Variants in STPG4 observed in about 807,000 individuals in gnomAD.
STPG4 encodes protein STPG4.
STPG4 carries 41 observed loss-of-function variants against 31.5 expected under a neutral mutation model. That is an observed-to-expected ratio of 1.30 (90% CI 1.01 to 1.69). STPG4 has a LOEUF of 1.69. Ranked by LOEUF, STPG4 falls within the 40% of genes most tolerant of loss-of-function variation. The pLI is 0.00. For missense variants in STPG4, 375 were observed against 293.4 expected (o/e 1.28, Z -2.03); for synonymous variants, 141 against 103.0 (o/e 1.37, Z -2.24).
chr2:47,110,771 C>G (rs1236631712), intron 5 of STPG4, among the ~76,000 whole-genome samples: 5 of 152,086 alleles, frequency 3.3e-5, no homozygotes, highest in Admixed American at 6.5e-5. Flanking sequence ...CAATTTGATC[C>G]TGCATTTTTC....
intron 5 of STPG4, chr2:47,129,270 T>G (rs1284377972): frequency 1.3e-5 from 2 of 152,402 alleles, no homozygotes; most frequent in Admixed American, 1.3e-4. Context: ...CTACAAGCAC[T>G]CCTTTGGCTG....
chr2:47,107,111 C>T (rs1032901636), intron 5 of STPG4, among the ~76,000 whole-genome samples: 11 of 152,012 alleles, frequency 7.2e-5, no homozygotes, highest in African/African-American at 2.4e-4. Context: ...GAGGTGACAG[C>T]GTGCTGGCAG....
chr2:47,102,398 T>C (rs1685819721), intron 5 of STPG4, among the ~76,000 whole-genome samples: 1 of 151,866 alleles, frequency 6.6e-6, no homozygotes, highest in Non-Finnish European at 1.5e-5. Context: ...CAGCTCATTA[T>C]TTTCTGCACT....
intron 5 of STPG4, among the ~76,000 whole-genome samples, chr2:47,093,727 G>A (rs1393024881): frequency 6.6e-6 from 1 of 152,204 alleles, no homozygotes; most frequent in Non-Finnish European, 1.5e-5. Context: ...TGAATCACAG[G>A]GACTAAGATG....
chr2:47,147,956 CTT>C (rs11417126), intron 3 of STPG4, among the ~76,000 whole-genome samples: 3 of 146,980 alleles, frequency 2.0e-5, no homozygotes, highest in Non-Finnish European at 1.5e-5. Flanking sequence ...ATACATATTC[CTT>C]TTTTTTTTTT....
intron 3 of STPG4, among the ~76,000 whole-genome samples, chr2:47,143,680 G>C (rs1204663793): frequency 6.6e-6 from 1 of 151,936 alleles, no homozygotes; most frequent in Non-Finnish European, 1.5e-5. Context: ...AGTAGAGTCA[G>C]GGTTTCACCG....
chr2:47,087,553 G>A (rs1039522196), intron 6 of STPG4, among the ~76,000 whole-genome samples: 2 of 152,156 alleles, frequency 1.3e-5, no homozygotes, highest in Admixed American at 6.5e-5. Flanking sequence ...AACCTGATTG[G>A]TCTAACTCAA....
chr2:47,129,467 G>C (rs2103779114), intron 5 of STPG4: 1 of 159,140 alleles, frequency 6.3e-6, no homozygotes, highest in Admixed American at 6.0e-5. Context: ...CGAACGGCTG[G>C]GATGGGCAAT....
At chr2:47,125,032 C>T (rs1226678211) in intron 5 of STPG4, among the ~76,000 whole-genome samples, 1 of 152,168 alleles carries the variant, frequency 6.6e-6, no homozygotes, top group African/African-American at 2.4e-5. Flanking sequence ...CGATGTTGAG[C>T]ACCGTTTTAT....
intron 3 of STPG4, among the ~76,000 whole-genome samples, chr2:47,140,933 C>T (rs910316253): frequency 2.6e-5 from 4 of 150,972 alleles, no homozygotes; most frequent in Non-Finnish European, 5.9e-5. Flanking sequence ...CTCACTCTAT[C>T]GGGGAGGCGG....
intron 5 of STPG4, among the ~76,000 whole-genome samples, chr2:47,126,678 A>G (rs1342195032): frequency 6.6e-6 from 1 of 152,210 alleles, no homozygotes. Flanking sequence ...GAATTTGAAG[A>G]ACTCCTTTTA....
intron 3 of STPG4, among the ~76,000 whole-genome samples, chr2:47,144,743 T>A (rs963534586): frequency 6.6e-6 from 1 of 152,166 alleles, no homozygotes; most frequent in Non-Finnish European, 1.5e-5. Flanking sequence ...TTGTTTTTTG[T>A]TTTTTGAGAT....
chr2:47,109,003 T>C (rs1290201731), intron 5 of STPG4, among the ~76,000 whole-genome samples: 2 of 152,240 alleles, frequency 1.3e-5, no homozygotes, highest in African/African-American at 4.8e-5. Context: ...TAGGCACCAG[T>C]ACATTCCACC....
At chr2:47,103,261 T>C (rs1203689430) in intron 5 of STPG4, among the ~76,000 whole-genome samples, 4 of 151,940 alleles carry the variant, frequency 2.6e-5, no homozygotes, top group Non-Finnish European at 4.4e-5. Flanking sequence ...AAAATCCTTC[T>C]GCCTTCCTCG....
intron 3 of STPG4, among the ~76,000 whole-genome samples, chr2:47,138,562 G>T (rs1686643887): frequency 6.6e-6 from 1 of 151,260 alleles, no homozygotes; most frequent in African/African-American, 2.4e-5. Flanking sequence ...TGGTTAATTT[G>T]TTTTTTTAGA....
Position 47,105,990 on chromosome 2 carries a change from G to A in STPG4, c.520-15616C>T, listed in dbSNP as rs183381868. 4.5e-4 allele frequency among the ~76,000 whole-genome samples: 68 copies of A among 151,970 alleles called. 2 individuals carry two copies. The highest frequency in any genetic ancestry group is 1.4e-3 in the African/African-American group (57 of 41,314). The stretch of plus-strand genomic sequence containing the variant: ...AAAGCCATCCAAATGGGAAGGAGAG[G>A]GGAGAACAGCAGCATAAGCGGCTGG... On this transcript the variant is annotated intron_variant, in intron 5 of 6. Transcript: ENST00000445927.
chr2:47,149,488 T>C (rs971437894), intron 3 of STPG4, among the ~76,000 whole-genome samples: 37 of 152,196 alleles, frequency 2.4e-4, no homozygotes, highest in African/African-American at 8.9e-4. Flanking sequence ...TAGTATAATT[T>C]AGAGTTTGTA....
chr2:47,107,285 C>A (rs59525159), intron 5 of STPG4, among the ~76,000 whole-genome samples: 3 of 151,726 alleles, frequency 2.0e-5, no homozygotes, highest in Non-Finnish European at 2.9e-5. Context: ...TGGAGGGAGA[C>A]GCGCAAGTGG....
chr2:47,088,184 A>T (rs1038546296), intron 6 of STPG4, among the ~76,000 whole-genome samples: 13 of 151,936 alleles, frequency 8.6e-5, no homozygotes, highest in Non-Finnish European at 1.0e-4. Flanking sequence ...GGCTTAAGCG[A>T]TTCTCATGCC....
Sources: gnomAD v4.1 joint callset for allele counts (sites outside exome capture counted in the v4.1 genomes callset) on GRCh38, gnomAD v4.1.1 for gene constraint, MANE v1.5 for transcripts, NCBI Gene and HGNC (gene_info 2026-07-23, HGNC 2026-07-21) for gene names.